Variants in ROBO2 observed in about 807,000 individuals in gnomAD.
ROBO2 encodes roundabout homolog 2.
Under a neutral mutation model 160.8 loss-of-function variants are expected in ROBO2, and 53 were observed. The ratio of observed to expected loss-of-function variants is 0.33; its 90% confidence interval spans 0.26 to 0.41. ROBO2 has a LOEUF of 0.41. ROBO2 is among the 10% of genes least tolerant of loss of function. ROBO2 has a pLI of 1.00. For synonymous variants in ROBO2, 664 were observed against 611.7 expected, an observed-to-expected ratio of 1.09 and a Z score of -1.26; for missense variants, 1,577 against 1,722.4, an observed-to-expected ratio of 0.92 and a Z score of 1.49.
chr3:76,662,517 A>C (rs935831322), intron 2 of ROBO2, among the ~76,000 whole-genome samples: 1 of 138,954 alleles, frequency 7.2e-6, no homozygotes. Context: ...TGAGGAACTC[A>C]GATTTTTTTT....
chr3:77,445,784 G>GTTTTTTTTGTTTT (rs1560854241), intron 2 of ROBO2, among the ~76,000 whole-genome samples: 3 of 107,746 alleles, frequency 2.8e-5, no homozygotes, highest in African/African-American at 9.4e-5. Flanking sequence ...CAATTAAAAG[G>GTTTTTTTTGTTTT]TTTTTTTTTG....
intron 2 of ROBO2, among the ~76,000 whole-genome samples, chr3:76,125,841 A>G (rs2070958337): frequency 6.6e-6 from 1 of 152,044 alleles, no homozygotes; most frequent in Non-Finnish European, 1.5e-5. Flanking sequence ...TATTATTATT[A>G]TTTGACATGG....
chr3:76,154,523 T>C (rs1256662713), intron 2 of ROBO2, among the ~76,000 whole-genome samples: 4 of 152,114 alleles, frequency 2.6e-5, no homozygotes, highest in Admixed American at 6.5e-5. Context: ...AAGATTCTCA[T>C]TGCCAATGAC....
At chr3:76,866,201 T>G (rs1577121961) in intron 2 of ROBO2, among the ~76,000 whole-genome samples, 1 of 152,148 alleles carries the variant, frequency 6.6e-6, no homozygotes, top group East Asian at 1.9e-4. Flanking sequence ...TATGGACAAG[T>G]AACTTAAACT....
At chr3:76,145,419 T>C (rs1031820909) in intron 2 of ROBO2, among the ~76,000 whole-genome samples, 5 of 152,176 alleles carry the variant, frequency 3.3e-5, no homozygotes, top group South Asian at 2.1e-4. Flanking sequence ...TTTCCAGATA[T>C]GCAAAAGCTT....
At chr3:77,119,786 C>G (rs1337455293) in intron 2 of ROBO2, among the ~76,000 whole-genome samples, 1 of 152,184 alleles carries the variant, frequency 6.6e-6, no homozygotes, top group Non-Finnish European at 1.5e-5. Context: ...TTTTTAGAGG[C>G]TCTGGACTGG....
chr3:77,416,098 A>C (rs1430891715), intron 2 of ROBO2, among the ~76,000 whole-genome samples: 1 of 152,148 alleles, frequency 6.6e-6, no homozygotes, highest in Non-Finnish European at 1.5e-5. Flanking sequence ...CAAGGCAGGG[A>C]AGAATTTTAT....
intron 7 of ROBO2, among the ~76,000 whole-genome samples, chr3:77,548,140 T>C (rs1010401669): frequency 1.3e-5 from 2 of 149,594 alleles, no homozygotes; most frequent in Non-Finnish European, 3.0e-5. Flanking sequence ...CACATACACA[T>C]ACACATACAT....
chr3:76,276,786 C>T (rs1559711438), intron 2 of ROBO2, among the ~76,000 whole-genome samples: 2 of 151,858 alleles, frequency 1.3e-5, no homozygotes, highest in Non-Finnish European at 2.9e-5. Flanking sequence ...GTGATGATGT[C>T]CTTGTATCTG....
chr3:77,242,015 C>T (rs927425819), intron 2 of ROBO2, among the ~76,000 whole-genome samples: 6 of 152,060 alleles, frequency 3.9e-5, no homozygotes, highest in East Asian at 1.9e-4. Context: ...TGCTAATATG[C>T]GGGAAATAAG....
chr3:76,520,846 T>G (rs960443184), intron 2 of ROBO2, among the ~76,000 whole-genome samples: 4 of 152,114 alleles, frequency 2.6e-5, no homozygotes, highest in Admixed American at 2.6e-4. Context: ...AAAGGGCCTT[T>G]CTGATTTTAG....
intron 5 of ROBO2, among the ~76,000 whole-genome samples, chr3:77,504,932 T>A (rs1201982780): frequency 6.6e-6 from 1 of 152,170 alleles, no homozygotes; most frequent in African/African-American, 2.4e-5. Context: ...TTTTCATAAG[T>A]GGAATAGCAA....
At chr3:76,941,175 G>A (rs2078161827) in intron 2 of ROBO2, among the ~76,000 whole-genome samples, 1 of 151,648 alleles carries the variant, frequency 6.6e-6, no homozygotes, top group Non-Finnish European at 1.5e-5. Flanking sequence ...TTTTTTTGAT[G>A]GATTCTTTCA....
intron 3 of ROBO2, among the ~76,000 whole-genome samples, chr3:77,480,476 GT>G (rs1424935791): frequency 6.6e-6 from 1 of 152,070 alleles, no homozygotes; most frequent in African/African-American, 2.4e-5. Flanking sequence ...GATGCTAATG[GT>G]TTATACTAAT....
intron 2 of ROBO2, among the ~76,000 whole-genome samples, chr3:76,437,198 G>A (rs1021395926): frequency 2.6e-5 from 4 of 151,960 alleles, no homozygotes; most frequent in East Asian, 1.9e-4. Flanking sequence ...TACATAATTC[G>A]GTATAGAATG....
intron 2 of ROBO2, among the ~76,000 whole-genome samples, chr3:76,009,973 A>T (rs146861970): frequency 6.6e-6 from 1 of 151,982 alleles, no homozygotes; most frequent in Non-Finnish European, 1.5e-5. Flanking sequence ...AGTGATTACT[A>T]TTTCTTTTCT....
At chr3:77,015,975 T>C (rs1206003704) in intron 2 of ROBO2, among the ~76,000 whole-genome samples, 1 of 152,028 alleles carries the variant, frequency 6.6e-6, no homozygotes, top group Non-Finnish European at 1.5e-5. Flanking sequence ...ATTTTTTTTA[T>C]TTTTATTTTT....
chr3:76,578,633 C>T (rs2085462333), intron 2 of ROBO2, among the ~76,000 whole-genome samples: 1 of 152,054 alleles, frequency 6.6e-6, no homozygotes. Context: ...GCTACTTCTC[C>T]ATCTCCCTCG....
chr3:77,413,337 C>T (rs1179316627), intron 2 of ROBO2, among the ~76,000 whole-genome samples: 7 of 151,996 alleles, frequency 4.6e-5, no homozygotes, highest in East Asian at 1.9e-4. Context: ...TTACGAAAAG[C>T]GAGGAGTTCC....
Sources: allele counts gnomAD v4.1 joint callset (sites outside exome capture counted in the v4.1 genomes callset), GRCh38; gene constraint gnomAD v4.1.1; transcripts MANE v1.5; gene names NCBI Gene and HGNC (gene_info 2026-07-23, HGNC 2026-07-21).